The following SSUH2 variants were observed in gnomAD, a reference collection of about 807,000 sequenced individuals.
SSUH2 encodes protein SSUH2 homolog.
Under a neutral mutation model 55.3 loss-of-function variants are expected in SSUH2, and 47 were observed. The ratio of observed to expected loss-of-function variants is 0.85; its 90% CI spans 0.67 to 1.08. The LOEUF (loss-of-function observed/expected upper bound fraction) is 1.08, where lower values mean the gene tolerates loss of function less well. SSUH2 is among the 50% of genes least tolerant of loss of function. The pLI is 0.00. For missense variants in SSUH2, 535 were observed against 490.7 expected, an observed-to-expected ratio of 1.09 and a Z score of -0.85; for synonymous variants, 212 against 191.5, an observed-to-expected ratio of 1.11 and a Z score of -0.89.
chr3:8,633,584 A>T, intron 4 of SSUH2, 82 bp downstream of exon 4: 1 of 1,214,866 alleles, frequency 8.2e-7, no homozygotes, highest in Non-Finnish European at 1.1e-6. Flanking sequence ...TGGCCACATC[A>T]CACAAACAGG....
intron 6 of SSUH2, among the ~76,000 whole-genome samples, chr3:8,661,254 G>A (rs994497234): frequency 2.0e-5 from 3 of 152,148 alleles, no homozygotes; most frequent in African/African-American, 4.8e-5. Context: ...CTAGAACTCC[G>A]TTGCCCAGCT....
chr3:8,674,544 A>T (rs1243660019), intron 3 of SSUH2, among the ~76,000 whole-genome samples: 9 of 152,164 alleles, frequency 5.9e-5, no homozygotes, highest in Admixed American at 5.9e-4. Flanking sequence ...CCCCTTATCC[A>T]AAAAGGCTCT....
intron 11 of SSUH2, 36 bp downstream of exon 11, chr3:8,623,513 A>G (rs1158805234): frequency 2.5e-6 from 3 of 1,223,764 alleles, no homozygotes; most frequent in Non-Finnish European, 3.5e-6. Context: ...CCAGGAAGAG[A>G]CGTCAGAGCC....
At chr3:8,635,414 C>T (rs1420403655) in intron 2 of SSUH2, 33 bp from the exon 3 acceptor site, 1 of 1,466,676 alleles carries the variant, frequency 6.8e-7, no homozygotes, top group Non-Finnish European at 9.2e-7. Context: ...GCTGGACAGC[C>T]CAGGCCAAAG....
intron 2 of SSUH2, among the ~76,000 whole-genome samples, chr3:8,679,175 T>A (rs1705743412): frequency 2.1e-4 from 1 of 4,854 alleles, no homozygotes; most frequent in Non-Finnish European, 5.1e-4. Context: ...CAGCCGCTGT[T>A]CCCCCACACT....
chr3:8,677,036 AC>A (rs1211238084), intron 3 of SSUH2, among the ~76,000 whole-genome samples: 1 of 136,318 alleles, frequency 7.3e-6, no homozygotes, highest in Non-Finnish European at 1.6e-5. Flanking sequence ...GGGGGGAGGA[AC>A]CCCCCAGGAG....
At chr3:8,664,434 C>T (rs1211061706) in intron 5 of SSUH2, among the ~76,000 whole-genome samples, 1 of 152,216 alleles carries the variant, frequency 6.6e-6, no homozygotes, top group East Asian at 1.9e-4. Context: ...CAATTTGGAG[C>T]ATTCATTTAT....
At chr3:8,623,735 CAGAG>C in intron 10 of SSUH2, 79 bp from the exon 11 acceptor site, 1 of 669,450 alleles carries the variant, frequency 1.5e-6, no homozygotes, top group Non-Finnish European at 2.6e-6. Flanking sequence ...TGACTAGAGC[CAGAG>C]CCAGAGCCAG....
At chr3:8,626,049 C>A (rs355057) in intron 9 of SSUH2, among the ~76,000 whole-genome samples, 180 bp downstream of exon 9, 49,020 of 151,986 alleles carry the variant, frequency 0.32, 7,943 homozygotes, top group East Asian at 0.41. Flanking sequence ...TGTTCTAAAG[C>A]CAGTCAGCAT....
chr3:8,624,411 A>G (rs1697096897), intron 10 of SSUH2, among the ~76,000 whole-genome samples: 1 of 152,192 alleles, frequency 6.6e-6, no homozygotes, highest in South Asian at 2.1e-4. Context: ...AGCTGAGCCC[A>G]GGGGGAAATC....
At chr3:8,625,851 A>G (rs1454274928) in intron 9 of SSUH2, among the ~76,000 whole-genome samples, 1 of 152,162 alleles carries the variant, frequency 6.6e-6, no homozygotes, top group East Asian at 1.9e-4. Context: ...CCATTACCTC[A>G]TTTCATCTTT....
At chr3:8,661,120 C>A (rs895660804) in intron 6 of SSUH2, among the ~76,000 whole-genome samples, 1 of 152,234 alleles carries the variant, frequency 6.6e-6, no homozygotes, top group African/African-American at 2.4e-5. Flanking sequence ...TTTCTTCTAG[C>A]CACTGCTCCT....
intron 2 of SSUH2, among the ~76,000 whole-genome samples, chr3:8,678,893 GA>G (rs1179551797): frequency 3.4e-5 from 4 of 116,582 alleles, no homozygotes; most frequent in Admixed American, 1.7e-4. Context: ...CATTGCAAGG[GA>G]GGGAGGCACC....
Position 8,633,632 on chromosome 3 carries a change from C to G in SSUH2, c.339+34G>C, listed in dbSNP as rs2276801. The G allele has an allele frequency of 3.4e-6, 5 of 1,482,500 alleles. No individual in the cohort carries two copies. The East Asian group carries it at 1.2e-4, about 35-fold the overall frequency. The allele number at this position is 1,482,500 out of a possible 1,614,324, so 91.8% of individuals were successfully genotyped here. A position where few individuals can be genotyped will look rare whatever the true frequency, so the allele number is the denominator to read the frequency against. On this transcript the variant is annotated intron_variant, in intron 4 of 11. Coordinates refer to ENST00000544814, the MANE Select transcript of SSUH2 (RefSeq NM_001256748.3). Reference sequence around the variant, plus strand: ...CAAAGCCCCCAGCTCCCCAGCCCCCCGGCCAAGGCCCCCCACCGGCCCTGG... The same window carrying G: ...CAAAGCCCCCAGCTCCCCAGCCCCCGGGCCAAGGCCCCCCACCGGCCCTGG...
At chr3:8,652,252 T>C (rs921692230) in intron 7 of SSUH2, among the ~76,000 whole-genome samples, 2 of 152,204 alleles carry the variant, frequency 1.3e-5, no homozygotes, top group African/African-American at 2.4e-5. Flanking sequence ...CTGATCTTCC[T>C]CCCTCTGCAC....
chr3:8,680,959 T>C (rs1705892060), intron 1 of SSUH2, among the ~76,000 whole-genome samples: 1 of 151,938 alleles, frequency 6.6e-6, no homozygotes. Context: ...ATTATTATCA[T>C]CCTCTCCCCC....
chr3:8,634,032 G>A lies in SSUH2; in HGVS notation c.210-237C>T, dbSNP rs552904930. On this transcript the variant is annotated intron_variant, in intron 3 of 11. Transcript: ENST00000544814. Reference sequence around the variant, plus strand: ...CCAAAAACACTTTAGTTGAAATGTGGAGCTTAGGAGAAAAGCTGATAGAAT... The same window carrying A: ...CCAAAAACACTTTAGTTGAAATGTGAAGCTTAGGAGAAAAGCTGATAGAAT... 7.7e-5 allele frequency: 103 copies of A among 1,340,730 alleles called. No individual in the cohort carries two copies. In the African/African-American group the frequency reaches 1.4e-3, roughly 18 times the overall value. The allele number at this position is 1,340,730 out of a possible 1,614,324, so 83.1% of individuals were successfully genotyped here. A position where few individuals can be genotyped will look rare whatever the true frequency, so the allele number is the denominator to read the frequency against.
chr3:8,634,302 T>C, intron 3 of SSUH2: 2 of 1,044,832 alleles, frequency 1.9e-6, no homozygotes, highest in Middle Eastern at 3.1e-4. Context: ...GGACCGTGGG[T>C]GGGACGACAG....
chr3:8,639,225 A>T (rs1700430926), intron 1 of SSUH2, among the ~76,000 whole-genome samples: 1 of 152,190 alleles, frequency 6.6e-6, no homozygotes, highest in Non-Finnish European at 1.5e-5. Flanking sequence ...TGCTGTTCCC[A>T]TGGTGTTGCA....
Sources: gnomAD v4.1 joint callset for allele counts (sites outside exome capture counted in the v4.1 genomes callset) on GRCh38, gnomAD v4.1.1 for gene constraint, MANE v1.5 for transcripts, NCBI Gene and HGNC (gene_info 2026-07-23, HGNC 2026-07-21) for gene names.